The following GINM1 variants were observed in gnomAD, a reference collection of about 807,000 sequenced individuals.
GINM1 encodes the protein glycoprotein integral membrane protein 1.
Under a neutral mutation model 37.8 loss-of-function variants are expected in GINM1, and 29 were observed. The ratio of observed to expected loss-of-function variants is 0.77; its 90% CI spans 0.57 to 1.05. The LOEUF (loss-of-function observed/expected upper bound fraction) is 1.05, where lower values mean the gene tolerates loss of function less well. Among genes scored for constraint, GINM1 ranks in the 50% least tolerant of loss-of-function variants. GINM1 has a pLI of 0.00. For missense variants in GINM1, 377 were observed against 397.9 expected (o/e 0.95, Z 0.45); for synonymous variants, 143 against 146.2 (o/e 0.98, Z 0.16).
intron 2 of GINM1, 46 bp downstream of exon 2, chr6:149,572,390 A>G (rs755633325): frequency 1.0e-5 from 14 of 1,369,984 alleles, no homozygotes; most frequent in East Asian, 2.3e-5. Flanking sequence ...GCTAAGTGCT[A>G]TGCAGCTTAT....
intron 1 of GINM1, among the ~76,000 whole-genome samples, chr6:149,568,575 A>G (rs1777757525): frequency 6.6e-6 from 1 of 152,236 alleles, no homozygotes; most frequent in African/African-American, 2.4e-5. Context: ...ATCAATGTAA[A>G]TGTAAATAGT....
rs1307460424 is a variant in GINM1 at position 149,574,136 on chromosome 6, C to G, written c.277+1533C>G. On this transcript the variant is annotated intron_variant, in intron 3 of 7. Coordinates refer to ENST00000367419, the MANE Select transcript of GINM1 (RefSeq NM_138785.5). ...CGCGATCTCGGCTCCCTGCAACCTCCTCCTCCTGGGTTCAAGTGATTCTCC... is the reference window on the plus strand; with the variant it reads ...CGCGATCTCGGCTCCCTGCAACCTCGTCCTCCTGGGTTCAAGTGATTCTCC... 3.2e-4 allele frequency among the ~76,000 whole-genome samples: 46 copies of G among 145,262 alleles called. 2 individuals are homozygous for G.
intron 5 of GINM1, 22 bp from the exon 6 acceptor site, chr6:149,580,571 C>T (rs981837055): frequency 3.8e-6 from 6 of 1,596,716 alleles, no homozygotes; most frequent in African/African-American, 2.7e-5. Context: ...ATTTTGGTAA[C>T]GTTGCTCTTT....
Position 149,580,605 on chromosome 6 carries a change from C to A in GINM1, c.599C>A (p.Ser200Ter). ...TTCTCCTGGGTAGAAAGTGTTAGTT[C>A]ACTGCAAACCACTAGCCAGTATCTT... ...PNLSKKESVS[S>*]LQTTSQYLIR... The change falls in exon 6 of 8, where the codon TCA (serine) becomes TAA (stop). Residue 200 changes from serine to a stop codon, truncating the protein, a stop_gained. Transcript: ENST00000367419. LOFTEE classifies it high-confidence loss of function. 6.2e-7 allele frequency: 1 copy of A among 1,611,636 alleles called. No homozygotes were observed. Among genetic ancestry groups the A allele is most frequent in the South Asian group, 1.1e-5 (1 of 90,554 alleles).
chr6:149,583,462 C>CA (rs1353381786), intron 7 of GINM1, among the ~76,000 whole-genome samples: 7 of 151,418 alleles, frequency 4.6e-5, no homozygotes, highest in African/African-American at 1.5e-4. Context: ...GACTTCATCT[C>CA]AAAAAATAAA....
At chr6:149,587,822 T>C (rs1167533647) in intron 7 of GINM1, among the ~76,000 whole-genome samples, 1 of 152,190 alleles carries the variant, frequency 6.6e-6, no homozygotes, top group Non-Finnish European at 1.5e-5. Flanking sequence ...GGTTGGGGGA[T>C]GGGACTGATC....
At position 149,590,799 on chromosome 6, in the gene GINM1, G is replaced by A; in HGVS notation, c.954G>A (p.Glu318=). The change falls in exon 8 of 8, where the codon GAG becomes GAA. Residue 318 remains glutamate, a synonymous_variant. Coordinates refer to ENST00000367419, the MANE Select transcript of GINM1 (RefSeq NM_138785.5). ...TCAACTTATATCCAGATGGTCCAGA[G>A]AAAAGAGCTGAAAACCTTGAAGATA... The part of the protein sequence containing the change: ...TAINLYPDGP[E]KRAENLEDKT... 6.3e-7 allele frequency: 1 copy of A among 1,598,620 alleles called. No individual in the cohort carries two copies. The highest frequency in any genetic ancestry group is 8.6e-7 in the Non-Finnish European group (1 of 1,166,334).
rs190433848 is a variant in GINM1 at position 149,575,923 on chromosome 6, G to T, written c.278-2899G>T. On this transcript the variant is annotated intron_variant, in intron 3 of 7. Transcript: ENST00000367419. Reference sequence around the variant, plus strand: ...CTGAAATAAATGCTCATCTTATCCAGTTACAGCAAGAATCTTCAAAACATT... The same window carrying T: ...CTGAAATAAATGCTCATCTTATCCATTTACAGCAAGAATCTTCAAAACATT... Among the ~76,000 whole-genome samples, 14 of 152,194 alleles carry T rather than the reference G, an allele frequency of 9.2e-5. No individual in the cohort carries two copies. In the East Asian group the frequency reaches 2.5e-3, roughly 27 times the overall value.
chr6:149,572,298 TTAATG>T lies in GINM1; in HGVS notation c.138_142del (p.Val47TyrfsTer5). The T allele has an allele frequency of 6.3e-7, 1 of 1,596,924 alleles. No individual in the cohort carries two copies. Among genetic ancestry groups the T allele is most frequent in the Non-Finnish European group, 8.5e-7 (1 of 1,171,754 alleles). On this transcript the variant is annotated frameshift_variant, in exon 2 of 8. Coordinates refer to ENST00000367419, the MANE Select transcript of GINM1 (RefSeq NM_138785.5). LOFTEE classifies it high-confidence loss of function. ...CTTGTTTTACAGGACGGCATCAGAA[TTAATG>T]TAACTACACTGAAAGATGATGGGGA...
At chr6:149,570,342 A>T (rs1238876097) in intron 1 of GINM1, among the ~76,000 whole-genome samples, 1 of 151,672 alleles carries the variant, frequency 6.6e-6, no homozygotes, top group African/African-American at 2.4e-5. Context: ...TAGTTTGCAA[A>T]GGAGATCCAT....
chr6:149,582,751 C>T (rs981215095), intron 7 of GINM1, 148 bp downstream of exon 7: 4 of 569,852 alleles, frequency 7.0e-6, no homozygotes, highest in Middle Eastern at 9.2e-4. Flanking sequence ...TCTAGCTCAT[C>T]TTCCAATGTT....
intron 7 of GINM1, among the ~76,000 whole-genome samples, chr6:149,587,509 C>T (rs530648113): frequency 4.6e-5 from 7 of 152,180 alleles, no homozygotes; most frequent in African/African-American, 7.2e-5. Context: ...GTCTTTGGGG[C>T]GGCTCACAGA....
At chr6:149,579,460 G>A (rs1288245737) in intron 4 of GINM1, among the ~76,000 whole-genome samples, 1 of 152,210 alleles carries the variant, frequency 6.6e-6, no homozygotes, top group Non-Finnish European at 1.5e-5. Flanking sequence ...GGAGGCCAAG[G>A]TGGACGAATC....
chr6:149,584,844 G>GAGAC (rs1554219766), intron 7 of GINM1, among the ~76,000 whole-genome samples: 6 of 151,070 alleles, frequency 4.0e-5, no homozygotes, highest in South Asian at 2.1e-4. Context: ...GAGAGAGAGA[G>GAGAC]ACACGGGGAT....
chr6:149,582,750 T>A, intron 7 of GINM1, 147 bp downstream of exon 7: 1 of 570,886 alleles, frequency 1.8e-6, no homozygotes, highest in Admixed American at 3.7e-5. Flanking sequence ...TTCTAGCTCA[T>A]CTTCCAATGT....
At chr6:149,583,603 T>C (rs191846318) in intron 7 of GINM1, among the ~76,000 whole-genome samples, 144 of 143,648 alleles carry the variant, frequency 1.0e-3, no homozygotes, top group African/African-American at 3.8e-3. Flanking sequence ...CACTCCAGCC[T>C]GGGAAACGAG....
chr6:149,586,044 A>G (rs1043630885), intron 7 of GINM1, among the ~76,000 whole-genome samples: 2 of 152,152 alleles, frequency 1.3e-5, no homozygotes, highest in African/African-American at 4.8e-5. Flanking sequence ...GCTTTTTATC[A>G]TAGTAACCAC....
chr6:149,591,024 G>C lies in GINM1; in HGVS notation c.*186G>C. On this transcript the variant is annotated 3_prime_UTR_variant, in exon 8 of 8. Coordinates refer to ENST00000367419, the MANE Select transcript of GINM1 (RefSeq NM_138785.5). The stretch of plus-strand genomic sequence containing the variant: ...TTTACCTTATTCTCGGCCGGGTGCA[G>C]TGGCTCATGCCTGTAATCCCAGGAC... 1 of 517,818 alleles carries C rather than the reference G, an allele frequency of 1.9e-6. No homozygotes were observed. The highest frequency in any genetic ancestry group is 2.4e-5 in the South Asian group (1 of 41,548). The allele number at this position is 517,818 out of a possible 1,614,324, so 32.1% of individuals were successfully genotyped here.
At chr6:149,575,654 T>G (rs1296093332) in intron 3 of GINM1, among the ~76,000 whole-genome samples, 1 of 152,190 alleles carries the variant, frequency 6.6e-6, no homozygotes, top group Non-Finnish European at 1.5e-5. Context: ...GTTTTGTGTG[T>G]ATGTGTGGGT....
Sources: gnomAD v4.1 joint callset for allele counts (sites outside exome capture counted in the v4.1 genomes callset) on GRCh38, gnomAD v4.1.1 for gene constraint, MANE v1.5 for transcripts, NCBI Gene and HGNC (gene_info 2026-07-23, HGNC 2026-07-21) for gene names.